Variants in NPC1 observed in about 807,000 individuals in gnomAD.
The protein encoded by NPC1 is NPC intracellular cholesterol transporter 1, also known as Niemann-Pick C1 protein.
A neutral mutation model predicts 140.4 loss-of-function variants in NPC1; 85 were observed. That is an observed-to-expected ratio of 0.61 (90% CI 0.51 to 0.72). The LOEUF (loss-of-function observed/expected upper bound fraction) is 0.72. NPC1 is among the 30% of genes least tolerant of loss of function. The pLI, the probability that NPC1 is intolerant of heterozygous loss-of-function variation, is 0.00. For missense variants in NPC1, 1,504 were observed against 1,623.8 expected (o/e 0.93, Z 1.27); for synonymous variants, 656 against 624.8 (o/e 1.05, Z -0.74).
intron 1 of NPC1, among the ~76,000 whole-genome samples, chr18:23,580,440 T>G (rs1042539015): frequency 2.6e-5 from 4 of 152,220 alleles, no homozygotes; most frequent in African/African-American, 9.6e-5. Context: ...ACTTGTTCAC[T>G]TGTAGAAATA....
At chr18:23,533,130 C>T in intron 24 of NPC1, 1 of 624,868 alleles carries the variant, frequency 1.6e-6, no homozygotes, top group Non-Finnish European at 2.6e-6. Flanking sequence ...ACAGATCAGG[C>T]CTCCAGAAAA....
At chr18:23,516,131 T>G in intron 3 of NPC1, 1 of 1,391,598 alleles carries the variant, frequency 7.2e-7, no homozygotes, top group Non-Finnish European at 1.0e-6. Context: ...TAGAGGGCAC[T>G]CTGTATACCC....
rs1598991998 is a variant in NPC1, at chr18:23,563,983, AAG to A, written c.464-2458_464-2457del. Among the ~76,000 whole-genome samples the A allele has an allele frequency of 1.9e-4, 17 of 91,194 alleles. No homozygotes were observed. In the East Asian group the frequency reaches 6.0e-3, roughly 32 times the overall value. The allele number at this position is 91,194 out of a possible 152,430, so 59.8% of individuals were successfully genotyped here. A position where few individuals can be genotyped will look rare whatever the true frequency, so the allele number is the denominator to read the frequency against. The stretch of plus-strand genomic sequence containing the variant: ...GGTTATTTATTTATCATTGAGTAGT[AAG>A]AGTTTTTTTTTTTTTTTTTTGGAGA... On this transcript the variant is annotated intron_variant, in intron 4 of 24. Coordinates refer to ENST00000269228, the MANE Select transcript of NPC1 (RefSeq NM_000271.5).
intron 6 of NPC1, among the ~76,000 whole-genome samples, chr18:23,559,687 C>T (rs970991588): frequency 6.6e-6 from 1 of 151,858 alleles, no homozygotes; most frequent in East Asian, 2.0e-4. Flanking sequence ...CGGTGGCTTA[C>T]TCCTGTAATC....
rs1236627382 is a variant in NPC1 at position 23,544,489 on chromosome 18, A to C, written c.1985T>G (p.Leu662Trp). 17 of 1,614,242 alleles carry C rather than the reference A, an allele frequency of 1.1e-5. No homozygotes were observed. Among genetic ancestry groups the C allele is most frequent in the Non-Finnish European group, 1.4e-5 (17 of 1,180,042 alleles). The stretch of plus-strand genomic sequence containing the variant: ...GCAAGCCACCGAGCTCAGCACGATC[A>C]AGATGCCCGCGATGCCTAGTGAGAC... The part of the protein sequence containing the change: ...SKVSLGIAGI[L>W]IVLSSVACSL... Residue 662 changes from leucine to tryptophan, a missense_variant, in exon 13 of 25, where the codon TTG becomes TGG. Coordinates refer to ENST00000269228, the MANE Select transcript of NPC1 (RefSeq NM_000271.5).
At chr18:23,560,723 A>G (rs1294434271) in intron 5 of NPC1, among the ~76,000 whole-genome samples, 1 of 152,246 alleles carries the variant, frequency 6.6e-6, no homozygotes, top group Non-Finnish European at 1.5e-5. Context: ...AGTACACCAC[A>G]TACCAAGGCA....
At chr18:23,540,995 T>C in intron 16 of NPC1, 73 bp downstream of exon 16, 1 of 1,534,280 alleles carries the variant, frequency 6.5e-7, no homozygotes, top group East Asian at 2.2e-5. Context: ...TCCCAGGCTG[T>C]CTGGCTTCTT....
chr18:23,553,562 A>G (rs978770409), intron 9 of NPC1, among the ~76,000 whole-genome samples: 1 of 152,234 alleles, frequency 6.6e-6, no homozygotes, highest in Non-Finnish European at 1.5e-5. Context: ...CTTGAGAAGT[A>G]GTCGGCTGAG....
chr18:23,543,760 C>A (rs1257882793), intron 13 of NPC1, among the ~76,000 whole-genome samples, 191 bp from the exon 14 acceptor site: 6 of 152,068 alleles, frequency 3.9e-5, no homozygotes, highest in African/African-American at 1.4e-4. Flanking sequence ...GAGCTAGGTA[C>A]CAAGTGAGAA....
chr18:23,534,053 C>A, intron 23 of NPC1: 2 of 346,500 alleles, frequency 5.8e-6, no homozygotes, highest in Non-Finnish European at 1.1e-5. Flanking sequence ...TACTCTTTAC[C>A]AGGTATTTTC....
At chr18:23,532,829 C>T in intron 24 of NPC1, 1 of 961,304 alleles carries the variant, frequency 1.0e-6, no homozygotes, top group South Asian at 4.8e-5. Context: ...AGTGACAAAG[C>T]TATAAATGAA....
chr18:23,519,244 A>G, downstream of NPC1: 4 of 1,342,858 alleles, frequency 3.0e-6, no homozygotes, highest in African/African-American at 1.4e-5. Context: ...GTGGCTGGGC[A>G]CGGTGGATCA....
At chr18:23,522,810 GTTT>G (rs1165406480) in exon 2 of NPC1, 4 of 152,364 alleles carry the variant, frequency 2.6e-5, no homozygotes, top group African/African-American at 4.8e-5. Flanking sequence ...CTCTCCTTTT[GTTT>G]CCTGCTGGGC....
chr18:23,559,492 C>CTTTTTTTTT (rs57612444), intron 6 of NPC1, among the ~76,000 whole-genome samples: 2 of 81,454 alleles, frequency 2.5e-5, no homozygotes, highest in African/African-American at 5.3e-5. Context: ...TTGACTCTGA[C>CTTTTTTTTT]TTTTTTTTTT....
At chr18:23,513,886 T>G (rs1268612483) in intron 3 of NPC1, among the ~76,000 whole-genome samples, 1 of 152,226 alleles carries the variant, frequency 6.6e-6, no homozygotes, top group Non-Finnish European at 1.5e-5. Flanking sequence ...TTACTATTAT[T>G]TGTTGAATTG....
chr18:23,571,437 A>G (rs1376326697), intron 3 of NPC1, among the ~76,000 whole-genome samples: 1 of 152,010 alleles, frequency 6.6e-6, no homozygotes, highest in African/African-American at 2.4e-5. Context: ...CGGGTAGATG[A>G]CTTGAGGTCA....
chr18:23,508,246 G>C (rs529120880), intron 3 of NPC1, among the ~76,000 whole-genome samples: 2 of 152,274 alleles, frequency 1.3e-5, no homozygotes, highest in South Asian at 4.1e-4. Context: ...TCCTTTGGAG[G>C]GGGAGGGTTC....
Position 23,531,706 on chromosome 18 carries a change from A to G in NPC1, c.*496T>C. The stretch of plus-strand genomic sequence containing the variant: ...CTAATGAGGCCTACAACATTCTGAA[A>G]TCACTTGCTGTTTTTTTATATAAAA... On this transcript the variant is annotated 3_prime_UTR_variant, in exon 25 of 25. Transcript: ENST00000269228. The G allele has an allele frequency of 6.2e-7, 1 of 1,603,320 alleles. No homozygotes were observed. The highest frequency in any genetic ancestry group is 8.5e-7 in the Non-Finnish European group (1 of 1,177,554).
At chr18:23,585,434 C>G (rs1170576137) in intron 1 of NPC1, among the ~76,000 whole-genome samples, 1 of 152,180 alleles carries the variant, frequency 6.6e-6, no homozygotes, top group African/African-American at 2.4e-5. Context: ...ACGGAACCCC[C>G]TCTCCCCTGA....
Sources: gnomAD v4.1 joint callset for allele counts (sites outside exome capture counted in the v4.1 genomes callset) on GRCh38, gnomAD v4.1.1 for gene constraint, MANE v1.5 for transcripts, NCBI Gene and HGNC (gene_info 2026-07-23, HGNC 2026-07-21) for gene names.